The following NDP variants were observed in gnomAD, a reference collection of about 807,000 sequenced individuals.
NDP encodes norrin cystine knot growth factor NDP.
NDP carries 2 observed loss-of-function variants against 8.4 expected under a neutral mutation model. The ratio of observed to expected loss-of-function variants is 0.24; its 90% CI spans 0.10 to 0.75. NDP has a LOEUF of 0.75. Among genes scored for constraint, NDP ranks in the 30% least tolerant of loss-of-function variants. The probability of loss-of-function intolerance (pLI) is 0.73; values close to 1 mark genes in which losing one functional copy is unlikely to be tolerated. For missense variants in NDP, 81 were observed against 110.1 expected (o/e 0.74, Z 1.18); for synonymous variants, 55 against 45.6 (o/e 1.21, Z -0.83).
chrX:43,957,395 ATCTC>A (rs746025632), intron 2 of NDP, among the ~76,000 whole-genome samples: 81 of 111,384 alleles, frequency 7.3e-4, no homozygotes, highest in African/African-American at 2.5e-3. Context: ...TAAGTGGAAA[ATCTC>A]TATTTTTTCC....
chrX:43,952,589 G>T (rs762545618), intron 2 of NDP, among the ~76,000 whole-genome samples: 2 of 111,680 alleles, frequency 1.8e-5, no homozygotes, highest in African/African-American at 6.5e-5. Flanking sequence ...AGTCAACAGC[G>T]TAGGGCCATT....
chrX:43,960,496 T>G (rs1213573001), intron 1 of NDP, among the ~76,000 whole-genome samples: 1 of 112,326 alleles, frequency 8.9e-6, no homozygotes, highest in Non-Finnish European at 1.9e-5. Flanking sequence ...TTGAAATAAA[T>G]CAAACCTGTG....
intron 1 of NDP, among the ~76,000 whole-genome samples, chrX:43,965,120 A>C (rs58252253): frequency 0.042 from 4,709 of 112,012 alleles, 236 homozygotes; most frequent in African/African-American, 0.14. Flanking sequence ...TATCCTGTTA[A>C]TCATAGGAAG....
chrX:43,954,141 C>A (rs1185320526), intron 2 of NDP, among the ~76,000 whole-genome samples: 1 of 112,075 alleles, frequency 8.9e-6, no homozygotes, highest in African/African-American at 3.2e-5. Context: ...CATGGCACCT[C>A]TTGAAACACC....
intron 2 of NDP, chrX:43,954,545 C>T (rs1219417134): frequency 9.0e-6 from 1 of 111,422 alleles, no homozygotes; most frequent in Non-Finnish European, 1.9e-5. Context: ...AGCACCTGGA[C>T]ATGGTAGGCA....
intron 2 of NDP, among the ~76,000 whole-genome samples, chrX:43,955,582 C>G (rs2035788338): frequency 8.9e-6 from 1 of 112,604 alleles, no homozygotes; most frequent in African/African-American, 3.2e-5. Flanking sequence ...GCCTTTACTC[C>G]AAATTTTAGA....
chrX:43,962,073 A>T (rs1386782655), intron 1 of NDP, among the ~76,000 whole-genome samples: 3 of 112,127 alleles, frequency 2.7e-5, no homozygotes, highest in African/African-American at 9.7e-5. Context: ...AAAGATTGAC[A>T]GGAAATGTTG....
In NDP at chrX:43,958,569, G is replaced by A. The variant is rs769624079; in HGVS notation, c.77C>T (p.Thr26Met). ...LVIMGDTDSK[T>M]DSSFIMDSDP... ...CGAGTCCATTATGAATGAGCTGTCCGTTTTACTGTCTGTATCTCCCATTAT... is the reference window on the plus strand; with the variant it reads ...CGAGTCCATTATGAATGAGCTGTCCATTTTACTGTCTGTATCTCCCATTAT... Residue 26 changes from threonine to methionine, a missense_variant, in exon 2 of 3, where the codon ACG becomes ATG. Coordinates refer to ENST00000642620, the MANE Select transcript of NDP (RefSeq NM_000266.4). 1.8e-5 allele frequency: 22 copies of A among 1,210,706 alleles called. No homozygotes were observed. The highest frequency in any genetic ancestry group is 3.5e-5 in the South Asian group (2 of 56,979).
intron 1 of NDP, among the ~76,000 whole-genome samples, chrX:43,964,952 C>CA (rs762237153): frequency 7.1e-5 from 8 of 112,124 alleles, no homozygotes; most frequent in African/African-American, 2.6e-4. Context: ...TTAATGATTG[C>CA]AAAAAACTTC....
At position 43,962,789 on chromosome X, in the gene NDP, G is replaced by A. The variant is rs892523657; in HGVS notation, c.-207-3937C>T. On this transcript the variant is annotated intron_variant, in intron 1 of 2. Coordinates refer to ENST00000642620, the MANE Select transcript of NDP (RefSeq NM_000266.4). Reference sequence around the variant, plus strand: ...ATAGCTCCAATGTGGAGCCTCTGCCGGCAGGAGAGGCACGTAGGCTGGCGT... The same window carrying A: ...ATAGCTCCAATGTGGAGCCTCTGCCAGCAGGAGAGGCACGTAGGCTGGCGT... 8.0e-5 allele frequency among the ~76,000 whole-genome samples: 9 copies of A among 111,840 alleles called. No homozygotes were observed. The South Asian group carries it at 1.1e-3, about 14-fold the overall frequency.
At chrX:43,955,560 G>A (rs2035788246) in intron 2 of NDP, among the ~76,000 whole-genome samples, 1 of 112,658 alleles carries the variant, frequency 8.9e-6, no homozygotes, top group Non-Finnish European at 1.9e-5. Context: ...TCTTTTGCCT[G>A]TTTGCTCTAC....
intron 1 of NDP, among the ~76,000 whole-genome samples, chrX:43,963,659 A>G (rs2035839946): frequency 1.8e-5 from 2 of 112,002 alleles, no homozygotes; most frequent in Non-Finnish European, 3.8e-5. Context: ...CAGAAAAGCA[A>G]GAAACTCTAG....
chrX:43,973,170 T>TTAATGCAAATTAAAG (rs2035901479), intron 1 of NDP, 134 bp downstream of exon 1: 1 of 112,762 alleles, frequency 8.9e-6, no homozygotes, highest in East Asian at 2.8e-4. Flanking sequence ...ATGCTACAGA[T>TTAATGCAAATTAAAG]TAATGCAAAT....
At chrX:43,971,823 T>C (rs1602072834) in intron 1 of NDP, among the ~76,000 whole-genome samples, 1 of 112,089 alleles carries the variant, frequency 8.9e-6, no homozygotes, top group African/African-American at 3.2e-5. Context: ...GCGATGCTTA[T>C]TGGGCTGGTT....
In NDP at chrX:43,950,027, C is replaced by A; in HGVS notation, c.175-1G>T. 8.4e-7 allele frequency: 1 copy of A among 1,193,757 alleles called. No individual in the cohort carries two copies. Among genetic ancestry groups the A allele is most frequent in the East Asian group, 3.0e-5 (1 of 32,988 alleles). On this transcript the variant is annotated splice_acceptor_variant, in intron 2 of 2. Transcript: ENST00000642620. LOFTEE classifies it high-confidence loss of function. ...CCTCGCACCTGGCCAGGAGCACCAT[C>A]TGGGGAAAGAAAAGGAGGTGGTTAC...
intron 2 of NDP, among the ~76,000 whole-genome samples, chrX:43,951,255 A>T (rs1161983491): frequency 2.7e-5 from 3 of 109,564 alleles, no homozygotes; most frequent in Admixed American, 9.8e-5. Flanking sequence ...TCTAAAAAAA[A>T]AAATAAAAAG....
chrX:43,963,927 C>T (rs1207500130), intron 1 of NDP, among the ~76,000 whole-genome samples: 2 of 112,834 alleles, frequency 1.8e-5, no homozygotes, highest in Non-Finnish European at 3.7e-5. Context: ...GAGGCAGCGG[C>T]ACTGACTGCA....
chrX:43,964,884 G>A (rs1010920214), intron 1 of NDP, among the ~76,000 whole-genome samples: 2 of 111,693 alleles, frequency 1.8e-5, no homozygotes, highest in African/African-American at 3.3e-5. Flanking sequence ...CCCCTGCCTT[G>A]GGGCTACATA....
chrX:43,972,238 G>T (rs2035894706), intron 1 of NDP, among the ~76,000 whole-genome samples: 1 of 111,224 alleles, frequency 9.0e-6, no homozygotes, highest in Admixed American at 9.6e-5. Context: ...TTCCTTTCCC[G>T]CACCTGAATC....
Sources: gnomAD v4.1 joint callset for allele counts (sites outside exome capture counted in the v4.1 genomes callset) on GRCh38, gnomAD v4.1.1 for gene constraint, MANE v1.5 for transcripts, NCBI Gene and HGNC (gene_info 2026-07-23, HGNC 2026-07-21) for gene names.